Variants in TMC1 observed in about 807,000 individuals in gnomAD.
The protein encoded by TMC1 is transmembrane channel like 1, also known as transmembrane channel-like protein 1.
In TMC1, 84 loss-of-function variants were observed where a neutral mutation model predicts 105.8. The ratio of observed to expected loss-of-function variants is 0.79; its 90% CI spans 0.67 to 0.95. TMC1 has a LOEUF of 0.95. Among genes scored for constraint, TMC1 ranks in the 40% least tolerant of loss-of-function variants. The pLI is 0.00. For synonymous variants in TMC1, 315 were observed against 311.5 expected (o/e 1.01, Z -0.12); for missense variants, 817 against 914.1 (o/e 0.89, Z 1.37).
intron 2 of TMC1, among the ~76,000 whole-genome samples, chr9:72,589,185 G>A (rs1824597731): frequency 6.6e-6 from 1 of 152,160 alleles, no homozygotes; most frequent in Non-Finnish European, 1.5e-5. Context: ...CTCCTAGCTG[G>A]TCTTACCTCC....
intron 3 of TMC1, among the ~76,000 whole-genome samples, chr9:72,616,909 T>G (rs1040399230): frequency 6.6e-6 from 1 of 152,154 alleles, no homozygotes; most frequent in Non-Finnish European, 1.5e-5. Flanking sequence ...GTGTTGTTGA[T>G]TTGAATGTTG....
intron 1 of TMC1, among the ~76,000 whole-genome samples, chr9:72,526,478 A>C (rs1329021048): frequency 1.3e-5 from 2 of 152,220 alleles, no homozygotes; most frequent in Non-Finnish European, 2.9e-5. Flanking sequence ...TTCATCTGCC[A>C]TGGGAAAAAT....
chr9:72,749,215 C>T (rs1274388478), intron 10 of TMC1, among the ~76,000 whole-genome samples: 1 of 151,888 alleles, frequency 6.6e-6, no homozygotes, highest in Non-Finnish European at 1.5e-5. Context: ...TGGGCCGTGG[C>T]AATAATTAGA....
At chr9:72,600,024 A>T (rs1463496126) in intron 2 of TMC1, among the ~76,000 whole-genome samples, 2 of 152,104 alleles carry the variant, frequency 1.3e-5, no homozygotes, top group Non-Finnish European at 2.9e-5. Flanking sequence ...CTGTCAAGGA[A>T]GGCTTTGTGG....
intron 5 of TMC1, among the ~76,000 whole-genome samples, chr9:72,677,580 GAGTA>G: frequency 6.6e-6 from 1 of 152,106 alleles, no homozygotes; most frequent in Non-Finnish European, 1.5e-5. Flanking sequence ...GCCTGGCAAG[GAGTA>G]AGTGCTCCAT....
chr9:72,805,283 C>G, intron 17 of TMC1, 99 bp from the exon 18 acceptor site: 1 of 1,373,838 alleles, frequency 7.3e-7, no homozygotes, highest in Non-Finnish European at 1.0e-6. Context: ...TTGCAGTCTT[C>G]AAGCCAATAC....
intron 1 of TMC1, among the ~76,000 whole-genome samples, chr9:72,554,781 A>G (rs964223914): frequency 3.9e-5 from 6 of 152,332 alleles, no homozygotes; most frequent in African/African-American, 7.2e-5. Flanking sequence ...TCCATATTCT[A>G]TAAAGACAGT....
intron 18 of TMC1, among the ~76,000 whole-genome samples, chr9:72,805,869 A>G (rs2118241026): frequency 6.6e-6 from 1 of 152,366 alleles, no homozygotes; most frequent in East Asian, 1.9e-4. Flanking sequence ...GGGCAAGGTC[A>G]CAGATCAACA....
intron 4 of TMC1, among the ~76,000 whole-genome samples, chr9:72,644,853 G>C (rs1473863158): frequency 9.2e-5 from 14 of 152,098 alleles, no homozygotes; most frequent in Admixed American, 9.2e-4. Flanking sequence ...TAATATGTGT[G>C]AACAGGAGCT....
intron 1 of TMC1, among the ~76,000 whole-genome samples, chr9:72,537,624 G>A (rs1379764667): frequency 6.6e-6 from 1 of 152,186 alleles, no homozygotes; most frequent in African/African-American, 2.4e-5. Context: ...AGGAAGTCCT[G>A]AGAACATGTG....
At chr9:72,701,700 T>C (rs1220243147) in intron 8 of TMC1, among the ~76,000 whole-genome samples, 1 of 152,214 alleles carries the variant, frequency 6.6e-6, no homozygotes, top group Admixed American at 6.5e-5. Context: ...GTGTGCTATT[T>C]AAAGGTATCG....
chr9:72,694,996 T>G (rs1826524890), intron 7 of TMC1, among the ~76,000 whole-genome samples: 1 of 152,186 alleles, frequency 6.6e-6, no homozygotes, highest in Non-Finnish European at 1.5e-5. Context: ...ATTTTAAAAT[T>G]TCCCCACTAA....
At chr9:72,617,559 A>G (rs533447531) in intron 3 of TMC1, among the ~76,000 whole-genome samples, 2 of 152,328 alleles carry the variant, frequency 1.3e-5, no homozygotes, top group South Asian at 4.2e-4. Flanking sequence ...CAAATGGCAT[A>G]AGACCACTGT....
intron 8 of TMC1, among the ~76,000 whole-genome samples, chr9:72,721,206 C>A (rs913354886): frequency 6.6e-6 from 1 of 152,140 alleles, no homozygotes; most frequent in Non-Finnish European, 1.5e-5. Context: ...CAGAGAATTA[C>A]AAAAACAAAA....
At position 72,778,204 on chromosome 9, in the gene TMC1, G is replaced by A. The variant is rs117814158; in HGVS notation, c.884+5649G>A. Reference sequence around the variant, plus strand: ...ATTTTAAATAGTTGAGAAGAGCCAAGATGGCTAACAAGATGCAGCCAGGAA... The same window carrying A: ...ATTTTAAATAGTTGAGAAGAGCCAAAATGGCTAACAAGATGCAGCCAGGAA... On this transcript the variant is annotated intron_variant, in intron 13 of 23. Transcript: ENST00000297784. Among the ~76,000 whole-genome samples the A allele has an allele frequency of 7.5e-4, 114 of 152,304 alleles. No homozygotes were observed. The East Asian group carries it at 0.021, about 28-fold the overall frequency.
chr9:72,790,966 G>A (rs1427185479), intron 15 of TMC1, among the ~76,000 whole-genome samples: 1 of 152,146 alleles, frequency 6.6e-6, no homozygotes, highest in Non-Finnish European at 1.5e-5. Context: ...GTCCACAGGA[G>A]AAAATAGGAA....
At chr9:72,701,651 C>T (rs1208352083) in intron 8 of TMC1, among the ~76,000 whole-genome samples, 2 of 152,162 alleles carry the variant, frequency 1.3e-5, no homozygotes, top group African/African-American at 2.4e-5. Context: ...AAATAGCTAT[C>T]AGGATAATTC....
intron 20 of TMC1, among the ~76,000 whole-genome samples, chr9:72,824,392 G>A (rs778661244): frequency 1.3e-5 from 2 of 152,226 alleles, no homozygotes; most frequent in South Asian, 2.1e-4. Flanking sequence ...TCCCACAATC[G>A]GTGGGTCCCA....
In TMC1 at chr9:72,751,849, G is replaced by A. The variant is rs1207122491; in HGVS notation, c.536-1G>A. 3.8e-6 allele frequency: 6 copies of A among 1,591,188 alleles called. No individual in the cohort carries two copies. The highest frequency in any genetic ancestry group is 5.2e-6 in the Non-Finnish European group (6 of 1,159,564). ...CAAACTTTTTATTTTCTTTGTAATA[G>A]GTCAGTTTGGCTCCTCAGTGGCCTC... is the stretch of plus-strand genomic sequence containing the variant. On this transcript the variant is annotated splice_acceptor_variant, in intron 10 of 23. Transcript: ENST00000297784. LOFTEE classifies it high-confidence loss of function.
Sources: gnomAD v4.1 joint callset for allele counts (sites outside exome capture counted in the v4.1 genomes callset) on GRCh38, gnomAD v4.1.1 for gene constraint, MANE v1.5 for transcripts, NCBI Gene and HGNC (gene_info 2026-07-23, HGNC 2026-07-21) for gene names.